The following TADA2A variants were observed in gnomAD, a reference collection of about 807,000 sequenced individuals.
TADA2A encodes transcriptional adaptor 2A.
TADA2A carries 38 observed loss-of-function variants against 67.4 expected under a neutral mutation model. That is an observed-to-expected ratio of 0.56 (90% CI 0.44 to 0.74). The LOEUF is 0.74. Ranked by LOEUF, TADA2A falls within the 30% of genes least tolerant of loss-of-function variation. The pLI is 0.00. For missense variants in TADA2A, 454 were observed against 547.0 expected, an observed-to-expected ratio of 0.83 and a Z score of 1.70; for synonymous variants, 192 against 181.6, an observed-to-expected ratio of 1.06 and a Z score of -0.46.
At chr17:37,471,593 C>T (rs1382400471) in intron 14 of TADA2A, among the ~76,000 whole-genome samples, 4 of 150,370 alleles carry the variant, frequency 2.7e-5, no homozygotes, top group Middle Eastern at 3.2e-3. Context: ...CTGCAACCTC[C>T]GCTTCCCGGG....
At chr17:37,454,334 T>G (rs2053322875) in intron 8 of TADA2A, 1 of 149,958 alleles carries the variant, frequency 6.7e-6, no homozygotes, top group Non-Finnish European at 1.5e-5. Flanking sequence ...CTTGCTCTGT[T>G]GCCCAGGCTG....
chr17:37,469,891 ACT>A (rs1229677389), intron 12 of TADA2A, among the ~76,000 whole-genome samples: 3 of 152,082 alleles, frequency 2.0e-5, no homozygotes, highest in African/African-American at 7.2e-5. Context: ...GCATATAGAG[ACT>A]CTGATAACTA....
intron 12 of TADA2A, among the ~76,000 whole-genome samples, chr17:37,469,665 G>T (rs1378512015): frequency 1.3e-5 from 2 of 152,136 alleles, no homozygotes; most frequent in Non-Finnish European, 2.9e-5. Flanking sequence ...TACTTTGGTT[G>T]AACTTTAATG....
At chr17:37,452,172 G>A (rs1170722330) in intron 8 of TADA2A, among the ~76,000 whole-genome samples, 3 of 152,070 alleles carry the variant, frequency 2.0e-5, no homozygotes, top group Non-Finnish European at 2.9e-5. Context: ...GGGAGGCCAA[G>A]GCGGTGGATC....
At chr17:37,460,033 T>C (rs1302819539) in intron 9 of TADA2A, among the ~76,000 whole-genome samples, 2 of 149,372 alleles carry the variant, frequency 1.3e-5, no homozygotes, top group East Asian at 4.3e-4. Flanking sequence ...ACCACTGCAC[T>C]CCAGCCTGGG....
At chr17:37,409,409 G>A (rs867745716) in intron 1 of TADA2A, among the ~76,000 whole-genome samples, 4 of 152,126 alleles carry the variant, frequency 2.6e-5, no homozygotes, top group Non-Finnish European at 5.9e-5. Context: ...TAATTTAGAA[G>A]TGGGGGAAAA....
intron 1 of TADA2A, among the ~76,000 whole-genome samples, chr17:37,408,945 T>A (rs997576455): frequency 4.6e-5 from 7 of 152,180 alleles, no homozygotes; most frequent in Non-Finnish European, 8.8e-5. Context: ...AAAAAATCAC[T>A]TCAGAAAAGC....
chr17:37,451,615 C>G (rs969526919), intron 8 of TADA2A, among the ~76,000 whole-genome samples: 34 of 152,148 alleles, frequency 2.2e-4, no homozygotes, highest in African/African-American at 2.2e-4. Flanking sequence ...AGCCACCATG[C>G]CTGGCCTTTT....
rs2052424230 is a variant in TADA2A, at chr17:37,426,822, G to C, written c.133-128G>C. On this transcript the variant is annotated intron_variant, in intron 3 of 15. Transcript: ENST00000615182. ...ATGGTGCCACTGCACTTCGGCCTGG[G>C]TGACAGAACGAGACCCTGTCTCCAA... The C allele has an allele frequency of 6.5e-6, 5 of 772,296 alleles. No homozygotes were observed. The South Asian group carries it at 7.2e-5, about 11-fold the overall frequency. The allele number at this position is 772,296 out of a possible 1,614,324, so 47.8% of individuals were successfully genotyped here.
In TADA2A at chr17:37,459,933, G is replaced by T. The variant is rs111536270; in HGVS notation, c.668+1346G>T. Among the ~76,000 whole-genome samples the T allele has an allele frequency of 7.2e-3, 1,096 of 151,708 alleles. 16 individuals carry two copies. Among genetic ancestry groups the T allele is most frequent in the African/African-American group, 0.025 (1,038 of 41,406 alleles). On this transcript the variant is annotated intron_variant, in intron 9 of 15. Transcript: ENST00000615182. ...ATACAAAAATTAGCTGGGGGTGGTGGTGCATGCCTGTAGTCCAAGCTACTC... is the reference window on the plus strand; with the variant it reads ...ATACAAAAATTAGCTGGGGGTGGTGTTGCATGCCTGTAGTCCAAGCTACTC...
At chr17:37,419,891 TGTA>T (rs1263347119) in intron 2 of TADA2A, among the ~76,000 whole-genome samples, 1 of 145,628 alleles carries the variant, frequency 6.9e-6, no homozygotes, top group Non-Finnish European at 1.5e-5. Context: ...GGTGTGCACT[TGTA>T]GTCCCAGCTA....
chr17:37,465,390 T>TA lies in TADA2A; in HGVS notation c.713-40dup, dbSNP rs1362280249. ...AAAATGCTGAAAACTCAGGGATCCT[T>TA]ACATTTCCCATGACACATTTATGTT... On this transcript the variant is annotated intron_variant, in intron 10 of 15. Coordinates refer to ENST00000615182, the MANE Select transcript of TADA2A (RefSeq NM_001166105.3). 3 of 1,490,796 alleles carry TA rather than the reference T, an allele frequency of 2.0e-6. No individual in the cohort carries two copies. In the African/African-American group the frequency reaches 4.2e-5, roughly 21 times the overall value. The allele number at this position is 1,490,796 out of a possible 1,614,324, so 92.3% of individuals were successfully genotyped here.
intron 4 of TADA2A, among the ~76,000 whole-genome samples, chr17:37,430,637 T>C (rs2052542065): frequency 6.6e-6 from 1 of 152,200 alleles, no homozygotes; most frequent in Non-Finnish European, 1.5e-5. Flanking sequence ...TTCTTATAAA[T>C]GTAGATTTCT....
intron 2 of TADA2A, among the ~76,000 whole-genome samples, chr17:37,412,713 G>T (rs2147898255): frequency 6.6e-6 from 1 of 151,802 alleles, no homozygotes; most frequent in South Asian, 2.1e-4. Flanking sequence ...AACCTGGGAG[G>T]CAGAGGCTAC....
At chr17:37,461,100 C>T (rs2053537226) in intron 9 of TADA2A, among the ~76,000 whole-genome samples, 1 of 152,058 alleles carries the variant, frequency 6.6e-6, no homozygotes, top group African/African-American at 2.4e-5. Context: ...CCATGGATGG[C>T]TGGGGGCAGG....
chr17:37,427,347 G>A (rs2052440155), intron 4 of TADA2A, among the ~76,000 whole-genome samples: 1 of 152,218 alleles, frequency 6.6e-6, no homozygotes, highest in Non-Finnish European at 1.5e-5. Flanking sequence ...CATAGCCAAT[G>A]TGTTGTCACT....
At chr17:37,451,657 A>G (rs2053237553) in intron 8 of TADA2A, among the ~76,000 whole-genome samples, 1 of 152,082 alleles carries the variant, frequency 6.6e-6, no homozygotes, top group Non-Finnish European at 1.5e-5. Flanking sequence ...CACAAATCTC[A>G]GGAAACAACA....
chr17:37,439,110 A>AT (rs544922627), intron 5 of TADA2A, among the ~76,000 whole-genome samples: 54 of 151,220 alleles, frequency 3.6e-4, no homozygotes, highest in East Asian at 5.8e-4. Flanking sequence ...CAAGTCAGGG[A>AT]TTTTTTTTTA....
intron 5 of TADA2A, 44 bp downstream of exon 5, chr17:37,437,873 GAGA>G: frequency 6.5e-7 from 1 of 1,548,990 alleles, no homozygotes; most frequent in Non-Finnish European, 8.9e-7. Flanking sequence ...AGTGGACTCA[GAGA>G]AGAAGCTGTT....
Sources: gnomAD v4.1 joint callset for allele counts (sites outside exome capture counted in the v4.1 genomes callset) on GRCh38, gnomAD v4.1.1 for gene constraint, MANE v1.5 for transcripts, NCBI Gene and HGNC (gene_info 2026-07-23, HGNC 2026-07-21) for gene names.